POGZ: variants seen among roughly 807,000 people sequenced by gnomAD.
The protein encoded by POGZ is pogo transposable element with ZNF domain.
Under a neutral mutation model 134.6 loss-of-function variants are expected in POGZ, and 17 were observed. The observed-to-expected ratio is 0.13, with a 90% CI of 0.09 to 0.19. POGZ has a LOEUF of 0.19. Ranked by LOEUF, POGZ falls within the 10% of genes least tolerant of loss-of-function variation. The pLI is 1.00. For missense variants in POGZ, 1,306 were observed against 1,769.7 expected, an observed-to-expected ratio of 0.74 and a Z score of 4.70; for synonymous variants, 693 against 657.1, an observed-to-expected ratio of 1.05 and a Z score of -0.84.
intron 14 of POGZ, 67 bp from the exon 15 acceptor site, chr1:151,408,307 G>A: frequency 6.3e-7 from 1 of 1,587,778 alleles, no homozygotes; most frequent in South Asian, 1.1e-5. Flanking sequence ...AGGATTTTCA[G>A]ACAACAAACC....
At chr1:151,416,231 A>AAG (rs1655648381) in intron 10 of POGZ, among the ~76,000 whole-genome samples, 1 of 147,142 alleles carries the variant, frequency 6.8e-6, no homozygotes, top group African/African-American at 2.5e-5. Context: ...AAAAAAAAAA[A>AAG]AAAAGAAAAA....
At chr1:151,440,166 G>A in intron 3 of POGZ, among the ~76,000 whole-genome samples, 1 of 150,716 alleles carries the variant, frequency 6.6e-6, no homozygotes, top group Non-Finnish European at 1.5e-5. Context: ...GTGGGATTAT[G>A]GTTAAACATT....
chr1:151,404,277 C>T lies in POGZ; in HGVS notation c.*525G>A, dbSNP rs1653188338. The T allele has an allele frequency of 1.0e-6, 1 of 982,492 alleles. No individual in the cohort carries two copies. The highest frequency in any genetic ancestry group is 4.7e-5 in the South Asian group (1 of 21,202). The allele number at this position is 982,492 out of a possible 1,614,324, so 60.9% of individuals were successfully genotyped here. A position where few individuals can be genotyped will look rare whatever the true frequency, so the allele number is the denominator to read the frequency against. ...GACCACAATGAAAAAAGTTTTTTAT[C>T]CATATATATAATAAACCAGTTTGTG... On this transcript the variant is annotated 3_prime_UTR_variant, in exon 19 of 19. Transcript: ENST00000271715.
intron 3 of POGZ, among the ~76,000 whole-genome samples, chr1:151,431,577 C>T (rs1363127714): frequency 6.6e-6 from 1 of 152,112 alleles, no homozygotes; most frequent in African/African-American, 2.4e-5. Context: ...GGCTACCTAC[C>T]GTAGCCCTCT....
intron 5 of POGZ, among the ~76,000 whole-genome samples, 153 bp from the exon 6 acceptor site, chr1:151,428,566 C>T (rs961121078): frequency 1.3e-5 from 2 of 152,100 alleles, no homozygotes; most frequent in African/African-American, 4.8e-5. Flanking sequence ...TAAGAAAGCA[C>T]AAGGTGTCCA....
At chr1:151,412,182 C>A in intron 11 of POGZ, 114 bp downstream of exon 11, 1 of 616,242 alleles carries the variant, frequency 1.6e-6, no homozygotes, top group Non-Finnish European at 2.9e-6. Flanking sequence ...TGTACCTACT[C>A]AGAGTTCCTA....
intron 1 of POGZ, among the ~76,000 whole-genome samples, chr1:151,458,647 G>A (rs1005808684): frequency 8.3e-5 from 12 of 144,850 alleles, no homozygotes; most frequent in Non-Finnish European, 1.5e-4. Flanking sequence ...CCCCTCGCCG[G>A]CCCCTCCCGC....
chr1:151,411,576 T>TAA (rs78077948), intron 12 of POGZ, 49 bp downstream of exon 12: 4,421 of 1,101,280 alleles, frequency 4.0e-3, no homozygotes, highest in South Asian at 5.1e-3. Flanking sequence ...CATCCATGTT[T>TAA]AAAAAAAAAA....
chr1:151,451,954 G>A (rs892914845), intron 1 of POGZ, among the ~76,000 whole-genome samples: 5 of 151,410 alleles, frequency 3.3e-5, no homozygotes, highest in Non-Finnish European at 4.4e-5. Flanking sequence ...AAAATTAGCC[G>A]GGCGTGGTGG....
intron 1 of POGZ, among the ~76,000 whole-genome samples, chr1:151,444,149 G>A (rs1660948490): frequency 6.6e-6 from 1 of 152,048 alleles, no homozygotes; most frequent in African/African-American, 2.4e-5. Flanking sequence ...GATTCTAACT[G>A]GTCTTTAATC....
chr1:151,406,272 G>C lies in POGZ; in HGVS notation c.2763C>G (p.Pro921=). ...GAAGGGCTAAAGCCTGCGGGTGAGTGGGGGTTGGTGGTGGGGTTGCAGTTG... is the reference window on the plus strand; with the variant it reads ...GAAGGGCTAAAGCCTGCGGGTGAGTCGGGGTTGGTGGTGGGGTTGCAGTTG... The part of the protein sequence containing the change: ...PASTATPPPT[P]THPQALALPP... Residue 921 remains proline, a synonymous_variant, in exon 19 of 19, where the codon CCC becomes CCG. Coordinates refer to ENST00000271715, the MANE Select transcript of POGZ (RefSeq NM_015100.4). The C allele has an allele frequency of 6.2e-7, 1 of 1,612,650 alleles. No homozygotes were observed. Among genetic ancestry groups the C allele is most frequent in the Non-Finnish European group, 8.5e-7 (1 of 1,179,050 alleles).
chr1:151,457,774 A>G (rs770789138), intron 1 of POGZ, among the ~76,000 whole-genome samples: 5 of 152,132 alleles, frequency 3.3e-5, no homozygotes, highest in Non-Finnish European at 5.9e-5. Context: ...TAAAAATACA[A>G]AAATTAGCCG....
chr1:151,457,958 C>T (rs1447292475), intron 1 of POGZ, among the ~76,000 whole-genome samples: 4 of 150,834 alleles, frequency 2.7e-5, no homozygotes, highest in Non-Finnish European at 5.9e-5. Context: ...AACCCCATTT[C>T]TGTGGAGTTT....
chr1:151,448,475 A>G (rs967306514), intron 1 of POGZ, among the ~76,000 whole-genome samples: 1 of 152,154 alleles, frequency 6.6e-6, no homozygotes, highest in Non-Finnish European at 1.5e-5. Flanking sequence ...TTATTTTAAA[A>G]AGATAAATTT....
rs749884298 is a variant in POGZ, at chr1:151,423,408, T to C, written c.1667A>G (p.Tyr556Cys). 1.9e-6 allele frequency: 3 copies of C among 1,613,890 alleles called. No homozygotes were observed. Among genetic ancestry groups the C allele is most frequent in the African/African-American group, 1.3e-5 (1 of 74,924 alleles). The change falls in exon 10 of 19, where the codon TAT becomes TGT. Residue 556 changes from tyrosine (Y) to cysteine (C), a missense_variant. Physicochemically the swap from Tyr to Cys is radical, Grantham distance 194. Around this residue, in one of 10 missense-constraint regions of POGZ, gnomAD observed 541 missense variants for 680.5 expected, o/e 0.80. Transcript: ENST00000271715. The part of the protein sequence containing the change: ...QCHLENVHSP[Y>C]ESTTKCKICE... Reference sequence around the variant, plus strand: ...GTTTCCAAACTTACTAGTAGATTCATAGGGACTATGAACATTTTCCAAGTG... The same window carrying C: ...GTTTCCAAACTTACTAGTAGATTCACAGGGACTATGAACATTTTCCAAGTG...
At chr1:151,429,561 T>A in intron 5 of POGZ, 42 bp downstream of exon 5, 1 of 988,916 alleles carries the variant, frequency 1.0e-6, no homozygotes, top group Non-Finnish European at 1.6e-6. Context: ...ACAAATCTTC[T>A]GGATGCCAGT....
chr1:151,423,808 T>C, intron 9 of POGZ, 141 bp downstream of exon 9: 1 of 689,968 alleles, frequency 1.4e-6, no homozygotes, highest in East Asian at 2.7e-5. Context: ...CCTTCTATAG[T>C]CCTAGTTATT....
intron 10 of POGZ, among the ~76,000 whole-genome samples, chr1:151,419,205 C>CA (rs1432584751): frequency 8.6e-5 from 13 of 151,442 alleles, no homozygotes; most frequent in Non-Finnish European, 1.8e-4. Flanking sequence ...AATAAACAAA[C>CA]AAAAAAATTA....
rs574184348 is a variant in POGZ, at chr1:151,441,147, G to C, written c.125-61C>G. On this transcript the variant is annotated intron_variant, in intron 2 of 18. Coordinates refer to ENST00000271715, the MANE Select transcript of POGZ (RefSeq NM_015100.4). ...GGGACAGATGACACTAAAGGATACT[G>C]CTCTAATCTTCCCTTTCCATCTTAT... 5.2e-6 allele frequency: 7 copies of C among 1,349,136 alleles called. No homozygotes were observed. The African/African-American group carries it at 8.7e-5, about 17-fold the overall frequency. 83.6% of individuals were successfully genotyped at this position (1,349,136 alleles called of 1,614,324 possible). A position where few individuals can be genotyped will look rare whatever the true frequency, so the allele number is the denominator to read the frequency against.
Sources: gnomAD v4.1 joint callset for allele counts (sites outside exome capture counted in the v4.1 genomes callset) on GRCh38, gnomAD v4.1.1 for gene constraint, gnomAD v4.1.1 regional missense constraint, MANE v1.5 for transcripts, NCBI Gene and HGNC (gene_info 2026-07-23, HGNC 2026-07-21) for gene names.